KHDRBS1: variants seen among roughly 807,000 people sequenced by gnomAD.
The protein encoded by KHDRBS1 is KH RNA binding domain containing, signal transduction associated 1.
KHDRBS1 carries 7 observed loss-of-function variants against 48.4 expected under a neutral mutation model. The ratio of observed to expected loss-of-function variants is 0.14; its 90% confidence interval spans 0.08 to 0.27. The LOEUF is 0.27. Among genes scored for constraint, KHDRBS1 ranks in the 10% least tolerant of loss-of-function variants. KHDRBS1 has a pLI of 1.00. For missense variants in KHDRBS1, 458 were observed against 601.2 expected, an observed-to-expected ratio of 0.76 and a Z score of 2.49; for synonymous variants, 241 against 235.8, an observed-to-expected ratio of 1.02 and a Z score of -0.20.
intron 8 of KHDRBS1, among the ~76,000 whole-genome samples, chr1:32,039,919 A>G (rs1639250813): frequency 6.6e-6 from 1 of 152,018 alleles, no homozygotes. Context: ...CCTGGGTTGT[A>G]TTTCTGGGCC....
At chr1:32,028,345 T>A (rs1639015025) in intron 1 of KHDRBS1, among the ~76,000 whole-genome samples, 1 of 151,778 alleles carries the variant, frequency 6.6e-6, no homozygotes, top group Non-Finnish European at 1.5e-5. Context: ...TAGGTGATTG[T>A]GATGCATGAA....
At chr1:32,017,327 G>C (rs1638763021) in intron 1 of KHDRBS1, among the ~76,000 whole-genome samples, 1 of 151,848 alleles carries the variant, frequency 6.6e-6, no homozygotes, top group Admixed American at 6.6e-5. Flanking sequence ...TAGCCAGATT[G>C]ATATTCAGCT....
downstream of KHDRBS1, among the ~76,000 whole-genome samples, chr1:32,044,905 GTTAATT>G (rs1187076894): frequency 7.9e-5 from 12 of 152,270 alleles, no homozygotes; most frequent in South Asian, 2.1e-4. Flanking sequence ...TTCTTTAGCT[GTTAATT>G]TTAATGTTAA....
chr1:32,015,901 G>T (rs1638730501), intron 1 of KHDRBS1, among the ~76,000 whole-genome samples: 1 of 152,130 alleles, frequency 6.6e-6, no homozygotes, highest in African/African-American at 2.4e-5. Context: ...CATGGAAGGG[G>T]CAGGCGCGGT....
chr1:32,058,084 C>T (rs897938889), intron 10 of KHDRBS1, among the ~76,000 whole-genome samples: 14 of 151,586 alleles, frequency 9.2e-5, no homozygotes, highest in African/African-American at 3.2e-4. Flanking sequence ...CACCACCGTA[C>T]TCCAGACTGG....
At chr1:32,018,247 T>G (rs1174414017) in intron 1 of KHDRBS1, among the ~76,000 whole-genome samples, 1 of 150,190 alleles carries the variant, frequency 6.7e-6, no homozygotes, top group Non-Finnish European at 1.5e-5. Context: ...AAGCACGAGG[T>G]CAGGAGTTCG....
chr1:32,040,621 T>C (rs915988306), intron 8 of KHDRBS1, among the ~76,000 whole-genome samples: 1 of 152,162 alleles, frequency 6.6e-6, no homozygotes, highest in African/African-American at 2.4e-5. Context: ...AAGTGTGTCC[T>C]CAAGAGCCAG....
intron 8 of KHDRBS1, among the ~76,000 whole-genome samples, chr1:32,040,663 A>G (rs975414658): frequency 2.6e-5 from 4 of 152,190 alleles, no homozygotes; most frequent in African/African-American, 9.7e-5. Context: ...CCTCACTGGG[A>G]ATACTATGTG....
intron 4 of KHDRBS1, 84 bp downstream of exon 4, chr1:32,033,418 G>T: frequency 6.4e-7 from 1 of 1,559,806 alleles, no homozygotes; most frequent in Non-Finnish European, 8.7e-7. Flanking sequence ...TCTTAACTAA[G>T]GTCTCTGCAT....
intron 10 of KHDRBS1, among the ~76,000 whole-genome samples, chr1:32,051,194 G>A (rs945081066): frequency 2.2e-4 from 34 of 152,310 alleles, no homozygotes; most frequent in African/African-American, 7.5e-4. Flanking sequence ...CACCGTGCTC[G>A]GCCCAAATTC....
rs76930779 is a variant in KHDRBS1, at chr1:32,033,709, C to G, written c.771+375C>G. 5.6e-3 allele frequency among the ~76,000 whole-genome samples: 857 copies of G among 152,264 alleles called. 9 individuals carry two copies. Among genetic ancestry groups the G allele is most frequent in the African/African-American group, 0.02 (825 of 41,540 alleles). On this transcript the variant is annotated intron_variant, in intron 4 of 8. Coordinates refer to ENST00000327300, the MANE Select transcript of KHDRBS1 (RefSeq NM_006559.3). Reference sequence around the variant, plus strand: ...TGTTAGGAAAGTGACTAAGGTGGGTCTCTGCACTCAAGAAGTTCATGCTGT... The same window carrying G: ...TGTTAGGAAAGTGACTAAGGTGGGTGTCTGCACTCAAGAAGTTCATGCTGT...
chr1:32,050,288 G>A (rs1028963120), intron 10 of KHDRBS1, among the ~76,000 whole-genome samples: 1 of 152,068 alleles, frequency 6.6e-6, no homozygotes, highest in Non-Finnish European at 1.5e-5. Flanking sequence ...TATTCTGGAC[G>A]CTAAACTCTT....
In KHDRBS1 at chr1:32,018,525, G is replaced by T. The variant is rs1638789388; in HGVS notation, c.382+4148G>T. The stretch of plus-strand genomic sequence containing the variant: ...AATCCCAGCACGTTGGGAGGCCGAG[G>T]CGGGTGGATCACGAGGTCAGGAGAT... On this transcript the variant is annotated intron_variant, in intron 1 of 8. Transcript: ENST00000327300. Among the ~76,000 whole-genome samples the T allele has an allele frequency of 2.0e-5, 3 of 151,714 alleles. No individual in the cohort carries two copies. The South Asian group carries it at 6.2e-4, about 31-fold the overall frequency.
At chr1:32,048,582 C>T (rs1639382201), downstream of KHDRBS1, among the ~76,000 whole-genome samples, 1 of 152,144 alleles carries the variant, frequency 6.6e-6, no homozygotes, top group Non-Finnish European at 1.5e-5. Context: ...CTGTGGTTAG[C>T]TTCTGTTAGT....
At chr1:32,028,088 A>T (rs188140269) in intron 1 of KHDRBS1, among the ~76,000 whole-genome samples, 2 of 152,202 alleles carry the variant, frequency 1.3e-5, no homozygotes, top group African/African-American at 4.8e-5. Context: ...CTGCGCTCCA[A>T]CCTGGGTGAC....
At chr1:32,025,977 C>T (rs1201190086) in intron 1 of KHDRBS1, among the ~76,000 whole-genome samples, 1 of 150,584 alleles carries the variant, frequency 6.6e-6, no homozygotes, top group Non-Finnish European at 1.5e-5. Context: ...CAGGGTCTCG[C>T]TGTGTTGCCC....
intron 1 of KHDRBS1, among the ~76,000 whole-genome samples, chr1:32,014,686 C>A (rs1569752043): frequency 6.6e-6 from 1 of 152,198 alleles, no homozygotes; most frequent in South Asian, 2.1e-4. Flanking sequence ...GGCTGCCGGG[C>A]GCGCAGATTC....
chr1:32,049,053 T>G (rs930412443), intron 10 of KHDRBS1, among the ~76,000 whole-genome samples: 3 of 151,454 alleles, frequency 2.0e-5, no homozygotes, highest in East Asian at 2.0e-4. Flanking sequence ...GTTTTTTTTT[T>G]GTTTTTTTGG....
In KHDRBS1 at chr1:32,013,870, C is replaced by T. The variant is rs1311678237; in HGVS notation, c.-126C>T. On this transcript the variant is annotated 5_prime_UTR_variant, in exon 1 of 9. Coordinates refer to ENST00000327300, the MANE Select transcript of KHDRBS1 (RefSeq NM_006559.3). ...CGCCGCCTCATTTCCGGTGCTCTCT[C>T]TCGCTGGGTCGCTCGGGTCGGCTTC... is the stretch of plus-strand genomic sequence containing the variant. 2 of 929,846 alleles carry T rather than the reference C, an allele frequency of 2.2e-6. No individual in the cohort carries two copies. Among genetic ancestry groups the T allele is most frequent in the East Asian group, 3.3e-5 (1 of 30,212 alleles). 57.6% of individuals were successfully genotyped at this position (929,846 alleles called of 1,614,324 possible).
Sources: allele counts gnomAD v4.1 joint callset (sites outside exome capture counted in the v4.1 genomes callset), GRCh38; gene constraint gnomAD v4.1.1; transcripts MANE v1.5; gene names NCBI Gene and HGNC (gene_info 2026-07-23, HGNC 2026-07-21).